Variants in CPED1 observed in about 807,000 individuals in gnomAD.
CPED1 encodes cadherin like and PC-esterase domain containing 1, also known as cadherin-like and PC-esterase domain-containing protein 1.
CPED1 carries 114 observed loss-of-function variants against 128.2 expected under a neutral mutation model. The ratio of observed to expected loss-of-function variants is 0.89; its 90% confidence interval spans 0.76 to 1.04. The LOEUF is 1.04. Among genes scored for constraint, CPED1 ranks in the 50% least tolerant of loss-of-function variants. The probability of loss-of-function intolerance (pLI) is 0.00; values close to 1 mark genes in which losing one functional copy is unlikely to be tolerated. For missense variants in CPED1, 1,211 were observed against 1,207.1 expected (o/e 1.00, Z -0.05); for synonymous variants, 462 against 426.7 (o/e 1.08, Z -1.02).
chr7:121,155,238 A>G (rs1671347647), intron 16 of CPED1, among the ~76,000 whole-genome samples: 1 of 152,254 alleles, frequency 6.6e-6, no homozygotes, highest in Admixed American at 6.5e-5. Flanking sequence ...AAGATGTTCC[A>G]TGCTCATGGA....
intron 4 of CPED1, among the ~76,000 whole-genome samples, chr7:121,060,068 GCC>G (rs1793615215): frequency 6.6e-6 from 1 of 152,180 alleles, no homozygotes; most frequent in Non-Finnish European, 1.5e-5. Context: ...ACTCGGAGCA[GCC>G]GGCCGGCCCT....
At chr7:121,103,104 A>T (rs1384604813) in intron 7 of CPED1, among the ~76,000 whole-genome samples, 4 of 152,178 alleles carry the variant, frequency 2.6e-5, no homozygotes, top group Admixed American at 6.6e-5. Context: ...AAATAAATGA[A>T]AAAAGAAATC....
At chr7:121,108,189 G>T (rs1211469214) in intron 7 of CPED1, among the ~76,000 whole-genome samples, 1 of 152,040 alleles carries the variant, frequency 6.6e-6, no homozygotes. Flanking sequence ...GCTTAGCAAA[G>T]CATGGAGCAT....
At chr7:121,036,625 T>G (rs1792900918) in intron 3 of CPED1, among the ~76,000 whole-genome samples, 1 of 151,912 alleles carries the variant, frequency 6.6e-6, no homozygotes, top group African/African-American at 2.4e-5. Flanking sequence ...CTTTTTCATA[T>G]AATGACTTCT....
intron 16 of CPED1, among the ~76,000 whole-genome samples, chr7:121,234,173 G>A (rs1428529661): frequency 2.0e-5 from 3 of 151,944 alleles, no homozygotes; most frequent in Admixed American, 2.0e-4. Context: ...CTGCTAAAAG[G>A]AAGAAAGGAG....
intron 16 of CPED1, among the ~76,000 whole-genome samples, chr7:121,192,567 G>A (rs1042176641): frequency 2.0e-5 from 3 of 152,000 alleles, no homozygotes; most frequent in African/African-American, 7.2e-5. Flanking sequence ...GTTATTCTTT[G>A]TACCCGACAC....
chr7:121,234,853 C>T (rs1229112514), intron 16 of CPED1, among the ~76,000 whole-genome samples: 1 of 152,108 alleles, frequency 6.6e-6, no homozygotes, highest in East Asian at 1.9e-4. Flanking sequence ...TGTTCTATAA[C>T]TTTTGGATAT....
chr7:121,037,044 T>C (rs530714250), intron 3 of CPED1, among the ~76,000 whole-genome samples: 1 of 152,296 alleles, frequency 6.6e-6, no homozygotes, highest in African/African-American at 2.4e-5. Flanking sequence ...ATTAGTACTC[T>C]GCTGGATGTA....
At position 121,180,554 on chromosome 7, in the gene CPED1, C is replaced by T. The variant is rs114016039; in HGVS notation, c.2055+38413C>T. ...AATTACGTGATACATTATCTGTACA[C>T]TCTTGTCTCCAGGGTTCTCTCAGTG... On this transcript the variant is annotated intron_variant, in intron 16 of 22. Coordinates refer to ENST00000310396, the MANE Select transcript of CPED1 (RefSeq NM_024913.5). Among the ~76,000 whole-genome samples the T allele has an allele frequency of 3.2e-3, 479 of 152,046 alleles. 5 individuals are homozygous for T. Among genetic ancestry groups the T allele is most frequent in the African/African-American group, 0.011 (453 of 41,498 alleles).
chr7:121,199,141 T>C (rs966750169), intron 16 of CPED1, among the ~76,000 whole-genome samples: 1 of 152,034 alleles, frequency 6.6e-6, no homozygotes, highest in East Asian at 1.9e-4. Flanking sequence ...AAGAAGAACA[T>C]AACAAGGGGT....
chr7:121,286,250 G>T (rs906618882), intron 22 of CPED1, among the ~76,000 whole-genome samples: 1 of 152,152 alleles, frequency 6.6e-6, no homozygotes, highest in Non-Finnish European at 1.5e-5. Context: ...CTCTAATGAC[G>T]TGTAGGGATT....
rs375681007 is a variant in CPED1 at position 121,061,820 on chromosome 7, A to G, written c.541-2418A>G. ...GAGTATTACTAGGTTTAACAATTAA[A>G]AAGTTATAATCTGTGTAATATAGTT... is the stretch of plus-strand genomic sequence containing the variant. On this transcript the variant is annotated intron_variant, in intron 4 of 22. Coordinates refer to ENST00000310396, the MANE Select transcript of CPED1 (RefSeq NM_024913.5). Among the ~76,000 whole-genome samples, 15 of 152,356 alleles carry G rather than the reference A, an allele frequency of 9.8e-5. No individual in the cohort carries two copies. In the East Asian group the frequency reaches 1.9e-3, roughly 20 times the overall value.
intron 3 of CPED1, among the ~76,000 whole-genome samples, chr7:121,018,312 C>T (rs1013356771): frequency 6.6e-6 from 1 of 152,062 alleles, no homozygotes; most frequent in Non-Finnish European, 1.5e-5. Flanking sequence ...GTGATTCTTA[C>T]AGAATTTGTT....
intron 13 of CPED1, among the ~76,000 whole-genome samples, chr7:121,135,368 C>G (rs1253314538): frequency 6.6e-6 from 1 of 152,022 alleles, no homozygotes; most frequent in East Asian, 1.9e-4. Context: ...GTGTCCCCCT[C>G]TCCCCAGAAT....
intron 13 of CPED1, among the ~76,000 whole-genome samples, chr7:121,135,394 G>C (rs1369854510): frequency 6.6e-6 from 1 of 151,890 alleles, no homozygotes; most frequent in Non-Finnish European, 1.5e-5. Context: ...GGGAAACCTA[G>C]CAATTCAGAT....
intron 14 of CPED1, among the ~76,000 whole-genome samples, chr7:121,138,236 A>C (rs1795825447): frequency 6.6e-6 from 1 of 152,062 alleles, no homozygotes. Flanking sequence ...AGTTAAAAGA[A>C]ATCCATTAAA....
intron 4 of CPED1, chr7:121,051,688 A>T (rs1418270929): frequency 3.4e-6 from 1 of 291,858 alleles, no homozygotes; most frequent in Non-Finnish European, 6.6e-6. Context: ...ACTCTGTAAG[A>T]TCTGTGGTTG....
chr7:121,203,320 A>G (rs567989748), intron 16 of CPED1, among the ~76,000 whole-genome samples: 1 of 152,174 alleles, frequency 6.6e-6, no homozygotes, highest in Admixed American at 6.5e-5. Context: ...GCCTGGGTCC[A>G]CCAATTAATT....
At chr7:121,112,879 C>T (rs901066302) in intron 7 of CPED1, among the ~76,000 whole-genome samples, 4 of 152,058 alleles carry the variant, frequency 2.6e-5, no homozygotes, top group Non-Finnish European at 5.9e-5. Flanking sequence ...GGCAGATTAC[C>T]AGCAGGTTTG....
Sources: allele counts gnomAD v4.1 joint callset (sites outside exome capture counted in the v4.1 genomes callset), GRCh38; gene constraint gnomAD v4.1.1; transcripts MANE v1.5; gene names NCBI Gene and HGNC (gene_info 2026-07-23, HGNC 2026-07-21).